The following PCDH15 variants were observed in gnomAD, a reference collection of about 807,000 sequenced individuals.
PCDH15 encodes protocadherin related 15.
Under a neutral mutation model 178.5 loss-of-function variants are expected in PCDH15, and 129 were observed. The observed-to-expected ratio is 0.72, with a 90% CI of 0.63 to 0.84. PCDH15 has a LOEUF of 0.84. PCDH15 is among the 40% of genes least tolerant of loss of function. PCDH15 has a pLI of 0.00. For synonymous variants in PCDH15, 800 were observed against 732.0 expected (o/e 1.09, Z -1.50); for missense variants, 2,230 against 2,099.9 (o/e 1.06, Z -1.21).
chr10:54,557,074 T>G (rs1485117737), intron 2 of PCDH15, among the ~76,000 whole-genome samples: 4 of 152,152 alleles, frequency 2.6e-5, no homozygotes, highest in Non-Finnish European at 4.4e-5. Flanking sequence ...TTTCATAGAC[T>G]CAGTGGCAAA....
At chr10:55,002,162 G>GTGGTTATT (rs1839808720) in intron 2 of PCDH15, among the ~76,000 whole-genome samples, 1 of 152,152 alleles carries the variant, frequency 6.6e-6, no homozygotes, top group Admixed American at 6.5e-5. Flanking sequence ...AAAATATTGT[G>GTGGTTATT]TGGTTATTCT....
chr10:53,810,927 A>C (rs1010062641), intron 36 of PCDH15, among the ~76,000 whole-genome samples: 13 of 152,204 alleles, frequency 8.5e-5, no homozygotes, highest in Non-Finnish European at 1.6e-4. Context: ...GAGAAACTAG[A>C]ACGAGAAAAA....
chr10:54,357,760 A>G (rs1401394455), intron 5 of PCDH15, among the ~76,000 whole-genome samples: 2 of 152,200 alleles, frequency 1.3e-5, no homozygotes, highest in Non-Finnish European at 2.9e-5. Flanking sequence ...CTGACTTCAA[A>G]GTATACTACA....
At chr10:54,060,642 C>T (rs1319447946) in intron 18 of PCDH15, among the ~76,000 whole-genome samples, 3 of 152,228 alleles carry the variant, frequency 2.0e-5, no homozygotes, top group Admixed American at 1.3e-4. Context: ...AATTAGTTAT[C>T]CAAGATTGCA....
intron 3 of PCDH15, among the ~76,000 whole-genome samples, chr10:54,436,414 A>G (rs1283860137): frequency 1.3e-5 from 2 of 152,142 alleles, no homozygotes; most frequent in Non-Finnish European, 2.9e-5. Flanking sequence ...GTTATTAATG[A>G]ACAAAATAAA....
intron 3 of PCDH15, among the ~76,000 whole-genome samples, chr10:54,809,391 A>G (rs1952827807): frequency 6.6e-6 from 1 of 152,162 alleles, no homozygotes; most frequent in Non-Finnish European, 1.5e-5. Flanking sequence ...GGGAAGTTCA[A>G]AAAAGACATT....
chr10:54,306,888 T>C (rs999862624), intron 8 of PCDH15, among the ~76,000 whole-genome samples: 3 of 150,190 alleles, frequency 2.0e-5, no homozygotes, highest in African/African-American at 7.3e-5. Context: ...GTTCTCAACC[T>C]TCAGCTCCTA....
At chr10:55,209,849 T>G (rs1840513623) in intron 1 of PCDH15, among the ~76,000 whole-genome samples, 1 of 152,062 alleles carries the variant, frequency 6.6e-6, no homozygotes. Flanking sequence ...ATGCTAAAGA[T>G]TTGTATGTGT....
At chr10:55,040,694 T>C (rs1334541296) in intron 2 of PCDH15, among the ~76,000 whole-genome samples, 3 of 152,176 alleles carry the variant, frequency 2.0e-5, no homozygotes, top group Non-Finnish European at 4.4e-5. Flanking sequence ...AAAACAATGT[T>C]ATTATTTTAA....
chr10:55,465,796 C>T (rs1432033720), intron 2 of PCDH15, among the ~76,000 whole-genome samples: 1 of 152,096 alleles, frequency 6.6e-6, no homozygotes, highest in Non-Finnish European at 1.5e-5. Context: ...ATATAGAGAA[C>T]AGTTTGTCAA....
chr10:55,265,517 T>TATAGCATCAGG (rs2132240435), intron 1 of PCDH15, among the ~76,000 whole-genome samples: 2 of 152,098 alleles, frequency 1.3e-5, no homozygotes, highest in South Asian at 4.1e-4. Context: ...TTGCATCACA[T>TATAGCATCAGG]ATAGCATCAG....
intron 1 of PCDH15, among the ~76,000 whole-genome samples, chr10:54,738,207 G>C (rs963686429): frequency 3.9e-5 from 6 of 152,196 alleles, no homozygotes; most frequent in African/African-American, 1.4e-4. Flanking sequence ...GAGTCATTGA[G>C]GATTTTGAGC....
intron 25 of PCDH15, among the ~76,000 whole-genome samples, chr10:53,913,642 G>T (rs190166993): frequency 6.6e-6 from 1 of 151,774 alleles, no homozygotes; most frequent in African/African-American, 2.4e-5. Context: ...TACTCGGGAG[G>T]CTGAGGCAGG....
At chr10:53,891,779 C>T (rs371421718) in intron 26 of PCDH15, among the ~76,000 whole-genome samples, 16 of 145,400 alleles carry the variant, frequency 1.1e-4, no homozygotes, top group African/African-American at 3.8e-4. Context: ...ATGGTGAAAC[C>T]CTGTCTTTAC....
chr10:53,945,879 A>G (rs956348380), intron 23 of PCDH15, among the ~76,000 whole-genome samples: 4 of 98,874 alleles, frequency 4.0e-5, no homozygotes, highest in Admixed American at 1.1e-4. Flanking sequence ...ATATATATAT[A>G]TATCACATTT....
chr10:54,225,013 A>G (rs1171286646), intron 9 of PCDH15, among the ~76,000 whole-genome samples: 1 of 152,146 alleles, frequency 6.6e-6, no homozygotes, highest in East Asian at 1.9e-4. Context: ...TTTACATATT[A>G]TTAGGGAAAA....
intron 17 of PCDH15, among the ~76,000 whole-genome samples, chr10:54,071,855 T>G (rs1382782487): frequency 6.6e-6 from 1 of 152,134 alleles, no homozygotes; most frequent in East Asian, 1.9e-4. Context: ...TTTTCTATAG[T>G]CAACAAGATT....
At chr10:54,397,670 C>A (rs1951416103) in intron 3 of PCDH15, among the ~76,000 whole-genome samples, 1 of 151,844 alleles carries the variant, frequency 6.6e-6, no homozygotes, top group Non-Finnish European at 1.5e-5. Context: ...GTGCATCAAA[C>A]CAGGCACTAA....
intron 20 of PCDH15, among the ~76,000 whole-genome samples, chr10:54,008,696 G>A (rs1211762999): frequency 1.4e-5 from 2 of 139,726 alleles, no homozygotes; most frequent in African/African-American, 2.8e-5. Flanking sequence ...GGAAGAAAAG[G>A]GGAAATGTCA....
Sources: allele counts gnomAD v4.1 joint callset (sites outside exome capture counted in the v4.1 genomes callset), GRCh38; gene constraint gnomAD v4.1.1; transcripts MANE v1.5; gene names NCBI Gene and HGNC (gene_info 2026-07-23, HGNC 2026-07-21).